The following PSD3 variants were observed in gnomAD, a reference collection of about 807,000 sequenced individuals.
PSD3 encodes the protein PH and SEC7 domain-containing protein 3.
PSD3 carries 49 observed loss-of-function variants against 105.5 expected under a neutral mutation model. That is an observed-to-expected ratio of 0.46 (90% CI 0.37 to 0.59). The LOEUF (loss-of-function observed/expected upper bound fraction) is 0.59. Ranked by LOEUF, PSD3 falls within the 20% of genes least tolerant of loss-of-function variation. The pLI is 0.00. For synonymous variants in PSD3, 557 were observed against 457.8 expected, an observed-to-expected ratio of 1.22 and a Z score of -2.77; for missense variants, 1,561 against 1,263.8, an observed-to-expected ratio of 1.24 and a Z score of -3.57.
intron 4 of PSD3, among the ~76,000 whole-genome samples, chr8:18,808,252 T>A (rs1463862954): frequency 6.6e-6 from 1 of 152,198 alleles, no homozygotes; most frequent in Non-Finnish European, 1.5e-5. Context: ...AAAACACATG[T>A]CAAAGAAAGG....
intron 10 of PSD3, among the ~76,000 whole-genome samples, chr8:18,648,295 A>G (rs1401306633): frequency 6.6e-6 from 1 of 152,204 alleles, no homozygotes. Context: ...GATACGGACA[A>G]TAAAGTCCAG....
chr8:18,638,522 C>T (rs778794621), intron 10 of PSD3, among the ~76,000 whole-genome samples: 1 of 148,798 alleles, frequency 6.7e-6, no homozygotes, highest in Non-Finnish European at 1.5e-5. Flanking sequence ...AACAATCCCA[C>T]TTCCAAAAGC....
rs148109515 is a variant in PSD3, at chr8:18,958,077, A to G, written c.22-21935T>C. ...CAAAGAGGAAGGTACAATGATGTTC[A>G]TTTCAGCAAAATATGAGAACTTAAA... On this transcript the variant is annotated intron_variant, in intron 1 of 15. Transcript: ENST00000327040. Among the ~76,000 whole-genome samples, 468 of 152,330 alleles carry G rather than the reference A, an allele frequency of 3.1e-3. 6 individuals carry two copies. Among genetic ancestry groups the G allele is most frequent in the East Asian group, 0.026 (133 of 5,182 alleles).
At chr8:18,930,372 G>A (rs562581237) in intron 2 of PSD3, among the ~76,000 whole-genome samples, 37 of 152,146 alleles carry the variant, frequency 2.4e-4, no homozygotes, top group African/African-American at 8.9e-4. Context: ...TACCACTTGT[G>A]TTATTCATTC....
At chr8:19,034,781 C>T (rs2048090) in intron 1 of PSD3, among the ~76,000 whole-genome samples, 48,610 of 152,016 alleles carry the variant, frequency 0.32, 7,980 homozygotes, top group African/African-American at 0.41. Flanking sequence ...AGCTTCCACA[C>T]GTTCACTCTG....
chr8:18,856,966 G>A (rs1816060239), intron 4 of PSD3, among the ~76,000 whole-genome samples: 1 of 152,150 alleles, frequency 6.6e-6, no homozygotes, highest in Admixed American at 6.5e-5. Context: ...TTGAACCAAA[G>A]CACTCCGACT....
chr8:18,842,505 G>C (rs1018541452), intron 4 of PSD3, among the ~76,000 whole-genome samples: 1 of 152,122 alleles, frequency 6.6e-6, no homozygotes, highest in Non-Finnish European at 1.5e-5. Flanking sequence ...AGTCCGAGGC[G>C]GGCGGATCAC....
chr8:18,809,904 A>G (rs892404546), intron 4 of PSD3, among the ~76,000 whole-genome samples: 5 of 152,186 alleles, frequency 3.3e-5, no homozygotes, highest in Non-Finnish European at 5.9e-5. Context: ...CTGTGTTTTC[A>G]TCCTTCTCTC....
intron 10 of PSD3, among the ~76,000 whole-genome samples, chr8:18,647,452 A>G (rs1251159979): frequency 1.3e-5 from 2 of 152,232 alleles, no homozygotes; most frequent in African/African-American, 2.4e-5. Flanking sequence ...AAATTGCAGG[A>G]AAGATTATTC....
At chr8:19,006,944 C>T (rs79117679) in intron 1 of PSD3, among the ~76,000 whole-genome samples, 1,994 of 152,136 alleles carry the variant, frequency 0.013, 53 homozygotes, top group African/African-American at 0.046. Flanking sequence ...GAACCACCTA[C>T]AGCTTGCAAC....
At chr8:18,971,702 T>G (rs561683219) in intron 1 of PSD3, among the ~76,000 whole-genome samples, 15 of 152,278 alleles carry the variant, frequency 9.9e-5, no homozygotes, top group African/African-American at 3.6e-4. Context: ...GGTCCCTTCC[T>G]GTTCTAAAAT....
chr8:19,056,064 A>G (rs755544050), intron 1 of PSD3, among the ~76,000 whole-genome samples: 7 of 152,208 alleles, frequency 4.6e-5, no homozygotes, highest in Non-Finnish European at 1.0e-4. Flanking sequence ...CTTAGTGTTA[A>G]ATACTCTGCC....
In PSD3 at chr8:18,802,896, G is replaced by T. The variant is rs141857138; in HGVS notation, c.1911-1514C>A. The stretch of plus-strand genomic sequence containing the variant: ...TTCATTTGAAAAGGTCAGAAAAAGT[G>T]GATATTGTTGCAAACAGTTTTATAG... On this transcript the variant is annotated intron_variant, in intron 6 of 15. Transcript: ENST00000327040. Among the ~76,000 whole-genome samples, 5 of 152,260 alleles carry T rather than the reference G, an allele frequency of 3.3e-5. No homozygotes were observed. In the East Asian group the frequency reaches 9.6e-4, roughly 29 times the overall value.
intron 4 of PSD3, among the ~76,000 whole-genome samples, chr8:18,824,293 CTTCCACAGTAAACA>C (rs1406393408): frequency 6.6e-6 from 1 of 152,186 alleles, no homozygotes; most frequent in Non-Finnish European, 1.5e-5. Flanking sequence ...CCTAGAGTAC[CTTCCACAGTAAACA>C]TTCCACTGCC....
At chr8:18,973,781 G>C (rs1174673896) in intron 1 of PSD3, among the ~76,000 whole-genome samples, 2 of 152,192 alleles carry the variant, frequency 1.3e-5, no homozygotes, top group Non-Finnish European at 2.9e-5. Flanking sequence ...ACTAGATGAA[G>C]TTTAAGCTTC....
At chr8:18,706,463 CTAACT>C (rs1409553696) in intron 9 of PSD3, among the ~76,000 whole-genome samples, 1 of 152,202 alleles carries the variant, frequency 6.6e-6, no homozygotes, top group Non-Finnish European at 1.5e-5. Flanking sequence ...GGAATTGATT[CTAACT>C]TGACTGAGTC....
intron 9 of PSD3, chr8:18,762,915 G>C: frequency 7.8e-7 from 1 of 1,276,976 alleles, no homozygotes; most frequent in Non-Finnish European, 1.0e-6. Context: ...TTTCAACATG[G>C]AATAACTGTT....
intron 10 of PSD3, among the ~76,000 whole-genome samples, chr8:18,638,216 C>T (rs1009364408): frequency 1.4e-5 from 2 of 147,678 alleles, no homozygotes; most frequent in African/African-American, 5.0e-5. Flanking sequence ...TCATACTCAA[C>T]AGTCAAAGGT....
chr8:18,861,622 A>G (rs1816458511), intron 4 of PSD3, among the ~76,000 whole-genome samples: 1 of 152,078 alleles, frequency 6.6e-6, no homozygotes, highest in African/African-American at 2.4e-5. Flanking sequence ...AACTCTCACA[A>G]TCATTTTGAC....
Sources: allele counts gnomAD v4.1 joint callset (sites outside exome capture counted in the v4.1 genomes callset), GRCh38; gene constraint gnomAD v4.1.1; transcripts MANE v1.5; gene names NCBI Gene and HGNC (gene_info 2026-07-23, HGNC 2026-07-21).